Variants in DTNA observed in about 807,000 individuals in gnomAD.
DTNA encodes dystrobrevin alpha.
DTNA carries 43 observed loss-of-function variants against 100.7 expected under a neutral mutation model. The observed-to-expected ratio is 0.43, with a 90% CI of 0.33 to 0.55. The LOEUF is 0.55. Ranked by LOEUF, DTNA falls within the 20% of genes least tolerant of loss-of-function variation. The pLI, the probability that DTNA is intolerant of heterozygous loss-of-function variation, is 0.04. For synonymous variants in DTNA, 349 were observed against 347.9 expected, an observed-to-expected ratio of 1.00 and a Z score of -0.04; for missense variants, 798 against 953.9, an observed-to-expected ratio of 0.84 and a Z score of 2.15.
chr18:34,588,544 A>T (rs2049366237), intron 1 of DTNA, among the ~76,000 whole-genome samples: 2 of 152,190 alleles, frequency 1.3e-5, no homozygotes. Context: ...TTTAGACATT[A>T]AAGAGCATCT....
chr18:34,737,909 C>T (rs1393114726), intron 1 of DTNA: 1 of 152,060 alleles, frequency 6.6e-6, no homozygotes, highest in Non-Finnish European at 1.5e-5. Flanking sequence ...CCAACAAAAA[C>T]AATTTCATGA....
chr18:34,724,512 T>C (rs1430380538), intron 1 of DTNA, among the ~76,000 whole-genome samples: 1 of 152,240 alleles, frequency 6.6e-6, no homozygotes, highest in East Asian at 1.9e-4. Context: ...CAAAGCATAA[T>C]GCCAGCATCT....
intron 6 of DTNA, among the ~76,000 whole-genome samples, chr18:34,812,602 T>A (rs930213206): frequency 6.6e-6 from 1 of 152,066 alleles, no homozygotes; most frequent in Non-Finnish European, 1.5e-5. Flanking sequence ...CCATCGGATC[T>A]CCTGAGAACT....
chr18:34,820,414 AGAT>A (rs924617149), intron 8 of DTNA, among the ~76,000 whole-genome samples: 7 of 152,178 alleles, frequency 4.6e-5, no homozygotes, highest in African/African-American at 1.7e-4. Flanking sequence ...AGCCATATAA[AGAT>A]TTTGATGATC....
chr18:34,828,945 T>C, intron 10 of DTNA: 1 of 1,403,132 alleles, frequency 7.1e-7, no homozygotes, highest in Non-Finnish European at 1.0e-6. Context: ...ATGTGATGTT[T>C]AGAAATATGT....
In DTNA at chr18:34,888,294, A is replaced by C. The variant is rs1176261106; in HGVS notation, c.*560A>C. Reference sequence around the variant, plus strand: ...TTTTTCACAGCAATTGGAAAAAAACAACCACTTGCAATCATTCAATAACCC... The same window carrying C: ...TTTTTCACAGCAATTGGAAAAAAACCACCACTTGCAATCATTCAATAACCC... On this transcript the variant is annotated 3_prime_UTR_variant, in exon 23 of 23. Coordinates refer to ENST00000444659, the MANE Select transcript of DTNA (RefSeq NM_001386795.1). The C allele has an allele frequency of 7.1e-6, 7 of 985,736 alleles. No individual in the cohort carries two copies. Among genetic ancestry groups the C allele is most frequent in the African/African-American group, 1.7e-5 (1 of 57,234 alleles). The allele number at this position is 985,736 out of a possible 1,614,324, so 61.1% of individuals were successfully genotyped here.
chr18:34,714,774 A>G (rs556268208), intron 1 of DTNA, among the ~76,000 whole-genome samples: 12 of 152,184 alleles, frequency 7.9e-5, no homozygotes, highest in Non-Finnish European at 1.5e-4. Context: ...TTATTGTGGC[A>G]TTATTCACGA....
intron 1 of DTNA, among the ~76,000 whole-genome samples, chr18:34,653,162 C>T (rs976479204): frequency 4.6e-5 from 7 of 152,008 alleles, no homozygotes; most frequent in East Asian, 1.9e-4. Context: ...CTATCAGCTC[C>T]GTACTATGCA....
intron 3 of DTNA, among the ~76,000 whole-genome samples, chr18:34,767,851 A>G (rs1226500847): frequency 1.3e-5 from 2 of 152,248 alleles, no homozygotes; most frequent in African/African-American, 2.4e-5. Flanking sequence ...TTCAAACCAT[A>G]GCATTGGTCA....
intron 1 of DTNA, among the ~76,000 whole-genome samples, chr18:34,718,830 T>G (rs992332876): frequency 2.6e-5 from 4 of 152,168 alleles, no homozygotes; most frequent in African/African-American, 9.7e-5. Flanking sequence ...GCTGACCATG[T>G]GTGGCTTGAT....
intron 6 of DTNA, among the ~76,000 whole-genome samples, chr18:34,813,580 T>C (rs1461517221): frequency 6.6e-6 from 1 of 151,992 alleles, no homozygotes; most frequent in Admixed American, 6.6e-5. Context: ...ATAGGCCGGG[T>C]GAGGTGGCTC....
chr18:34,723,231 T>G (rs2085766908), intron 1 of DTNA, among the ~76,000 whole-genome samples: 1 of 152,194 alleles, frequency 6.6e-6, no homozygotes, highest in African/African-American at 2.4e-5. Flanking sequence ...AAGTAATAGC[T>G]AACAATGATA....
In DTNA at chr18:34,890,225, A is replaced by G. The variant is rs2096957767; in HGVS notation, c.*2491A>G. ...CATGGTTGTTGATATCGTCATATAA[A>G]GCCATTGCAAGGACTCTGGAAACTG... On this transcript the variant is annotated 3_prime_UTR_variant, in exon 23 of 23. Coordinates refer to ENST00000444659, the MANE Select transcript of DTNA (RefSeq NM_001386795.1). 6.7e-7 allele frequency: 1 copy of G among 1,484,838 alleles called. No individual in the cohort carries two copies. The highest frequency in any genetic ancestry group is 2.3e-5 in the Admixed American group (1 of 43,888). The allele number at this position is 1,484,838 out of a possible 1,614,324, so 92.0% of individuals were successfully genotyped here. A position where few individuals can be genotyped will look rare whatever the true frequency, so the allele number is the denominator to read the frequency against.
intron 1 of DTNA, among the ~76,000 whole-genome samples, chr18:34,620,004 G>A (rs944396211): frequency 1.3e-5 from 2 of 152,134 alleles, no homozygotes; most frequent in South Asian, 2.1e-4. Flanking sequence ...GGACAGAATG[G>A]TTTTACCAAA....
intron 1 of DTNA, among the ~76,000 whole-genome samples, chr18:34,573,317 G>A (rs1321244706): frequency 6.6e-6 from 1 of 152,148 alleles, no homozygotes; most frequent in East Asian, 1.9e-4. Context: ...GAACAAAAAT[G>A]CCTCTCAAAA....
chr18:34,881,437 C>CTTTTTTTTTTT lies in DTNA; in HGVS notation c.2163-617_2163-607dup, dbSNP rs752828928. Among the ~76,000 whole-genome samples the CTTTTTTTTTTT allele has an allele frequency of 6.8e-4, 35 of 51,396 alleles. 1 individual carries two copies. The highest frequency in any genetic ancestry group is 2.6e-3 in the African/African-American group (31 of 11,950). 33.7% of individuals were successfully genotyped at this position (51,396 alleles called of 152,430 possible). ...ATAGTGGAATTGGATAATTAAAATG[C>CTTTTTTTTTTT]TTTTTTTTTTTTTTTTTTTTTTTTT... is the stretch of plus-strand genomic sequence containing the variant. On this transcript the variant is annotated intron_variant, in intron 20 of 22. Transcript: ENST00000444659.
At chr18:34,568,367 T>C (rs1242544509) in intron 1 of DTNA, among the ~76,000 whole-genome samples, 1 of 152,178 alleles carries the variant, frequency 6.6e-6, no homozygotes, top group Non-Finnish European at 1.5e-5. Context: ...TTGTAAATCA[T>C]GTTATTTCAT....
At chr18:34,600,559 T>C (rs983561725) in intron 1 of DTNA, among the ~76,000 whole-genome samples, 2 of 152,214 alleles carry the variant, frequency 1.3e-5, no homozygotes, top group African/African-American at 4.8e-5. Flanking sequence ...TGAATGAAAT[T>C]TATCTTCCAA....
chr18:34,583,292 C>T (rs1188786006), intron 1 of DTNA, among the ~76,000 whole-genome samples: 1 of 152,038 alleles, frequency 6.6e-6, no homozygotes, highest in African/African-American at 2.4e-5. Context: ...ATTGGGTGTA[C>T]TTGTGGAGAA....
Sources: allele counts gnomAD v4.1 joint callset (sites outside exome capture counted in the v4.1 genomes callset), GRCh38; gene constraint gnomAD v4.1.1; transcripts MANE v1.5; gene names NCBI Gene and HGNC (gene_info 2026-07-23, HGNC 2026-07-21).